The following CFAP141 variants were observed in gnomAD, a reference collection of about 807,000 sequenced individuals.
CFAP141 encodes cilia- and flagella-associated protein 141.
chr1:154,201,585 ACC>A, the CFAP141 span, among the ~76,000 whole-genome samples: 1 of 151,454 alleles, frequency 6.6e-6, no homozygotes, highest in African/African-American at 2.4e-5. Context: ...ACGAGGTTTC[ACC>A]GTGTTGGCCA....
the CFAP141 span, chr1:154,199,658 G>A: frequency 1.6e-6 from 1 of 643,106 alleles, no homozygotes; most frequent in African/African-American, 1.8e-5. Context: ...ATAAAGCTGG[G>A]TGGTAGCAGA....
At chr1:154,203,608 C>T in the CFAP141 span, among the ~76,000 whole-genome samples, 3 of 151,816 alleles carry the variant, frequency 2.0e-5, no homozygotes, top group Non-Finnish European at 4.4e-5. Context: ...TTTGTAGAGA[C>T]GGAGTCTCAC....
chr1:154,205,549 G>T, the CFAP141 span: 3 of 1,567,322 alleles, frequency 1.9e-6, no homozygotes, highest in East Asian at 2.2e-5. Context: ...AGACAGCAGA[G>T]TGGAAAGGTC....
chr1:154,205,606 CGT>C, the CFAP141 span: 1 of 1,613,930 alleles, frequency 6.2e-7, no homozygotes. Flanking sequence ...ACCTGTCGAC[CGT>C]CTTCTTAAGT....
At chr1:154,200,738 A>G in the CFAP141 span, 158 of 900,538 alleles carry the variant, frequency 1.8e-4, no homozygotes, top group Admixed American at 8.4e-4. Flanking sequence ...GCTGGTGTAC[A>G]GTGGTGCAAT....
chr1:154,202,411 A>T, the CFAP141 span, among the ~76,000 whole-genome samples: 1 of 152,212 alleles, frequency 6.6e-6, no homozygotes, highest in African/African-American at 2.4e-5. Flanking sequence ...AAGAATATAA[A>T]TATACATCAT....
the CFAP141 span, among the ~76,000 whole-genome samples, chr1:154,205,293 G>T: frequency 6.6e-6 from 1 of 152,090 alleles, no homozygotes; most frequent in Non-Finnish European, 1.5e-5. Flanking sequence ...CACATAATTA[G>T]TACAAAGCCA....
At chr1:154,199,272 G>A in the CFAP141 span, 2 of 556,978 alleles carry the variant, frequency 3.6e-6, no homozygotes, top group Non-Finnish European at 6.5e-6. Flanking sequence ...GGATTAACGA[G>A]AGAGTGGAGA....
the CFAP141 span, among the ~76,000 whole-genome samples, chr1:154,201,996 G>C: frequency 6.6e-6 from 1 of 151,234 alleles, no homozygotes; most frequent in Non-Finnish European, 1.5e-5. Context: ...GAGTGCAGTG[G>C]CGCAATCTGG....
At chr1:154,199,441 C>T in the CFAP141 span, 1 of 1,610,614 alleles carries the variant, frequency 6.2e-7, no homozygotes, top group Non-Finnish European at 8.5e-7. Flanking sequence ...AATCTCTCTA[C>T]ATAAAAAGCT....
At chr1:154,200,523 GCATACGGGTTT>G in the CFAP141 span, 8 of 1,614,142 alleles carry the variant, frequency 5.0e-6, no homozygotes, top group Non-Finnish European at 6.8e-6. Context: ...CCTTAGGGTG[GCATACGGGTTT>G]CTTCTCTGGC....
the CFAP141 span, among the ~76,000 whole-genome samples, chr1:154,204,144 G>T: frequency 2.0e-5 from 3 of 152,124 alleles, no homozygotes; most frequent in Non-Finnish European, 2.9e-5. Context: ...GAACATTCTT[G>T]TGTATGTACC....
At chr1:154,203,770 CT>C in the CFAP141 span, among the ~76,000 whole-genome samples, 1 of 151,556 alleles carries the variant, frequency 6.6e-6, no homozygotes, top group East Asian at 2.0e-4. Context: ...AGTACATCTT[CT>C]TTTTTAAAAA....
the CFAP141 span, chr1:154,199,508 G>A: frequency 2.0e-5 from 32 of 1,611,958 alleles, no homozygotes; most frequent in African/African-American, 3.9e-4. Flanking sequence ...CAAACAGCTG[G>A]TGCAGGGCAG....
At chr1:154,204,300 A>G in the CFAP141 span, among the ~76,000 whole-genome samples, 13 of 152,116 alleles carry the variant, frequency 8.5e-5, no homozygotes, top group South Asian at 4.1e-4. Context: ...TTAAAATCAT[A>G]TATGTTCTTG....
chr1:154,200,566 A>G, the CFAP141 span: 2 of 1,614,182 alleles, frequency 1.2e-6, no homozygotes, highest in Non-Finnish European at 1.7e-6. Flanking sequence ...TGCCACAGAC[A>G]GTGAGTATGT....
the CFAP141 span, chr1:154,199,443 TA>T: frequency 6.2e-7 from 1 of 1,611,272 alleles, no homozygotes; most frequent in African/African-American, 1.3e-5. Context: ...TCTCTCTACA[TA>T]AAAAGCTTTG....
the CFAP141 span, among the ~76,000 whole-genome samples, chr1:154,204,137 C>T: frequency 6.6e-6 from 1 of 151,914 alleles, no homozygotes; most frequent in Non-Finnish European, 1.5e-5. Context: ...TAGTCATGAA[C>T]ATTCTTGTGT....
At chr1:154,205,828 C>T in the CFAP141 span, among the ~76,000 whole-genome samples, 5 of 152,012 alleles carry the variant, frequency 3.3e-5, no homozygotes, top group South Asian at 4.1e-4. Context: ...CCTCAGCCTC[C>T]GAGTAGCTGA....
Sources: gnomAD v4.1 joint callset for allele counts (sites outside exome capture counted in the v4.1 genomes callset) on GRCh38, gnomAD v4.1.1 for gene constraint, MANE v1.5 for transcripts, NCBI Gene and HGNC (gene_info 2026-07-23, HGNC 2026-07-21) for gene names.